Variants in DNAH11 observed in about 807,000 individuals in gnomAD.
DNAH11 encodes the protein dynein axonemal heavy chain 11.
Under a neutral mutation model 526.0 loss-of-function variants are expected in DNAH11, and 442 were observed. That is an observed-to-expected ratio of 0.84 (90% CI 0.78 to 0.91). DNAH11 has a LOEUF of 0.91. DNAH11 is among the 40% of genes least tolerant of loss of function. The probability of loss-of-function intolerance (pLI) is 0.00; values close to 1 mark genes in which losing one functional copy is unlikely to be tolerated. For synonymous variants in DNAH11, 2,461 were observed against 1,935.9 expected (o/e 1.27, Z -7.12); for missense variants, 6,989 against 5,448.7 (o/e 1.28, Z -8.90).
chr7:21,843,721 C>T (rs1782306810), intron 66 of DNAH11, among the ~76,000 whole-genome samples: 1 of 151,956 alleles, frequency 6.6e-6, no homozygotes, highest in Non-Finnish European at 1.5e-5. Context: ...CCTTGTGATC[C>T]TCCAGCCTCA....
intron 55 of DNAH11, among the ~76,000 whole-genome samples, chr7:21,772,705 G>A (rs934262819): frequency 1.3e-5 from 2 of 152,162 alleles, no homozygotes; most frequent in East Asian, 3.8e-4. Flanking sequence ...TTACTAGTGA[G>A]ATGGATTTTT....
At chr7:21,821,293 G>A (rs1790038984) in intron 65 of DNAH11, among the ~76,000 whole-genome samples, 1 of 152,090 alleles carries the variant, frequency 6.6e-6, no homozygotes, top group Non-Finnish European at 1.5e-5. Flanking sequence ...AAAAGCAGTT[G>A]GATATCTGAG....
chr7:21,571,107 C>G (rs1378036461), intron 7 of DNAH11, among the ~76,000 whole-genome samples: 1 of 152,144 alleles, frequency 6.6e-6, no homozygotes, highest in Non-Finnish European at 1.5e-5. Context: ...CCTTCCTTAA[C>G]AGTTTCCTGG....
intron 66 of DNAH11, among the ~76,000 whole-genome samples, chr7:21,846,611 A>C (rs908406356): frequency 6.6e-6 from 1 of 152,040 alleles, no homozygotes; most frequent in East Asian, 1.9e-4. Context: ...TTGATTTGCT[A>C]ATTTTTTGAG....
chr7:21,588,806 T>C (rs1394833161), intron 11 of DNAH11, among the ~76,000 whole-genome samples, 170 bp downstream of exon 11: 1 of 152,262 alleles, frequency 6.6e-6, no homozygotes, highest in Non-Finnish European at 1.5e-5. Flanking sequence ...GGAATATTTC[T>C]AATGGGACTC....
chr7:21,660,008 C>G (rs948050564), intron 30 of DNAH11, among the ~76,000 whole-genome samples: 1 of 152,010 alleles, frequency 6.6e-6, no homozygotes, highest in Non-Finnish European at 1.5e-5. Flanking sequence ...ATTTTACACT[C>G]TTAGGGGAAG....
At chr7:21,557,606 TA>T (rs1235721305) in intron 2 of DNAH11, among the ~76,000 whole-genome samples, 6 of 152,140 alleles carry the variant, frequency 3.9e-5, no homozygotes, top group Non-Finnish European at 8.8e-5. Flanking sequence ...CTCCACCTCC[TA>T]ATACCATCAT....
intron 18 of DNAH11, among the ~76,000 whole-genome samples, chr7:21,605,627 G>A (rs1380058521): frequency 2.0e-5 from 3 of 152,294 alleles, no homozygotes; most frequent in South Asian, 2.1e-4. Context: ...GAAGGAGAAT[G>A]TACAGAGCTT....
At chr7:21,843,487 T>G (rs1186441925) in intron 66 of DNAH11, among the ~76,000 whole-genome samples, 9 of 150,464 alleles carry the variant, frequency 6.0e-5, no homozygotes, top group Admixed American at 3.3e-4. Flanking sequence ...TTTTTGTTTT[T>G]TTTTTTTTTT....
At chr7:21,855,698 C>G (rs1418533875) in intron 68 of DNAH11, among the ~76,000 whole-genome samples, 1 of 152,188 alleles carries the variant, frequency 6.6e-6, no homozygotes, top group East Asian at 1.9e-4. Flanking sequence ...CTCATTCATT[C>G]TGTTCATCTG....
In DNAH11 at chr7:21,741,971, A is replaced by G. The variant is rs1435017699; in HGVS notation, c.7959A>G (p.Ala2653=). 1.9e-6 allele frequency: 3 copies of G among 1,613,814 alleles called. No individual in the cohort carries two copies. The highest frequency in any genetic ancestry group is 2.5e-6 in the Non-Finnish European group (3 of 1,179,858). ...CATTCAATTTTCCATCTTTGGATGCACTAAACACCATCTATGGCCAAATCT... is the reference window on the plus strand; with the variant it reads ...CATTCAATTTTCCATCTTTGGATGCGCTAAACACCATCTATGGCCAAATCT... ...VFAFNFPSLD[A]LNTIYGQIFS... The change falls in exon 49 of 82, where the codon GCA becomes GCG. Residue 2653 remains alanine, a synonymous_variant. Transcript: ENST00000409508.
chr7:21,666,274 A>G (rs1173856229), intron 30 of DNAH11, among the ~76,000 whole-genome samples: 1 of 152,100 alleles, frequency 6.6e-6, no homozygotes, highest in African/African-American at 2.4e-5. Flanking sequence ...AGTCTTTGAA[A>G]AAAGTGGCAA....
intron 6 of DNAH11, among the ~76,000 whole-genome samples, chr7:21,567,457 A>C (rs963205697): frequency 1.3e-5 from 2 of 152,180 alleles, no homozygotes; most frequent in African/African-American, 4.8e-5. Flanking sequence ...TATTTTGTAT[A>C]ATATTTTTAA....
chr7:21,794,848 T>C (rs576828874), intron 61 of DNAH11, among the ~76,000 whole-genome samples: 1 of 152,326 alleles, frequency 6.6e-6, no homozygotes, highest in East Asian at 1.9e-4. Context: ...GAAAAATGGC[T>C]GTCCACCTCA....
At chr7:21,801,016 C>T (rs1788962667) in intron 61 of DNAH11, 121 bp from the exon 62 acceptor site, 1 of 1,047,160 alleles carries the variant, frequency 9.5e-7, no homozygotes, top group East Asian at 2.6e-5. Context: ...GGTAAAGGGG[C>T]AAAGGTTAAT....
At chr7:21,556,268 G>T (rs962757855) in intron 2 of DNAH11, among the ~76,000 whole-genome samples, 1 of 152,134 alleles carries the variant, frequency 6.6e-6, no homozygotes, top group African/African-American at 2.4e-5. Context: ...TGAGCTGTGC[G>T]ATTTGTCACA....
At chr7:21,671,469 A>G (rs1252658998) in intron 30 of DNAH11, among the ~76,000 whole-genome samples, 2 of 152,150 alleles carry the variant, frequency 1.3e-5, no homozygotes, top group East Asian at 1.9e-4. Context: ...TTTCAGTATT[A>G]TCCTCAGAAC....
chr7:21,603,877 A>G (rs1399656663), intron 18 of DNAH11, among the ~76,000 whole-genome samples: 1 of 152,190 alleles, frequency 6.6e-6, no homozygotes, highest in Non-Finnish European at 1.5e-5. Context: ...AATTTGTATT[A>G]TATAAGTTTG....
At chr7:21,775,338 C>G (rs189105231) in intron 56 of DNAH11, among the ~76,000 whole-genome samples, 1 of 152,224 alleles carries the variant, frequency 6.6e-6, no homozygotes, top group East Asian at 1.9e-4. Flanking sequence ...CTGTCTAGGC[C>G]AGGCACAGTG....
Sources: allele counts gnomAD v4.1 joint callset (sites outside exome capture counted in the v4.1 genomes callset), GRCh38; gene constraint gnomAD v4.1.1; transcripts MANE v1.5; gene names NCBI Gene and HGNC (gene_info 2026-07-23, HGNC 2026-07-21).